SNRNP200: variants seen among roughly 807,000 people sequenced by gnomAD.
SNRNP200 encodes U5 small nuclear ribonucleoprotein 200 kDa helicase.
In SNRNP200, 66 loss-of-function variants were observed where a neutral mutation model predicts 255.2. The ratio of observed to expected loss-of-function variants is 0.26; its 90% CI spans 0.21 to 0.32. The LOEUF (loss-of-function observed/expected upper bound fraction) is 0.32, where lower values mean the gene tolerates loss of function less well. SNRNP200 is among the 10% of genes least tolerant of loss of function. The pLI, the probability that SNRNP200 is intolerant of heterozygous loss-of-function variation, is 1.00. For missense variants in SNRNP200, 1,585 were observed against 2,749.8 expected, an observed-to-expected ratio of 0.58 and a Z score of 9.47; for synonymous variants, 939 against 1,027.8, an observed-to-expected ratio of 0.91 and a Z score of 1.65.
At chr2:96,293,660 A>G (rs1322131687) in intron 14 of SNRNP200, 151 bp from the exon 15 acceptor site, 8 of 695,656 alleles carry the variant, frequency 1.1e-5, no homozygotes, top group South Asian at 1.7e-5. Flanking sequence ...GATGGAGACA[A>G]TATTTCCCAT....
intron 5 of SNRNP200, among the ~76,000 whole-genome samples, chr2:96,300,681 C>A (rs537944768): frequency 6.6e-6 from 1 of 151,548 alleles, no homozygotes; most frequent in Non-Finnish European, 1.5e-5. Context: ...GAGAATGGCG[C>A]GAAACCTGGG....
At position 96,305,347 on chromosome 2, in the gene SNRNP200, C is replaced by T. The variant is rs114657265; in HGVS notation, c.45+46G>A. 1,818 of 1,612,154 alleles carry T rather than the reference C, an allele frequency of 1.1e-3. 26 individuals carry two copies. The African/African-American group carries it at 0.022, about 19-fold the overall frequency. Reference sequence around the variant, plus strand: ...ACTCCCTTTTTCAGCCTCCCCCTCCCCATTGGACTCCTGAGCCTGGAATCC... The same window carrying T: ...ACTCCCTTTTTCAGCCTCCCCCTCCTCATTGGACTCCTGAGCCTGGAATCC... On this transcript the variant is annotated intron_variant, in intron 1 of 44. Transcript: ENST00000323853.
intron 43 of SNRNP200, among the ~76,000 whole-genome samples, chr2:96,275,959 TCG>T (rs1558761997): frequency 1.3e-5 from 2 of 152,064 alleles, no homozygotes; most frequent in East Asian, 3.9e-4. Flanking sequence ...TGAGCCGAGA[TCG>T]CGCCACTGCA....
At chr2:96,293,550 A>G in intron 14 of SNRNP200, 41 bp from the exon 15 acceptor site, 1 of 1,540,118 alleles carries the variant, frequency 6.5e-7, no homozygotes, top group Non-Finnish European at 9.0e-7. Context: ...AGCACTAGAG[A>G]TACATAGTCC....
At chr2:96,293,649 G>A in intron 14 of SNRNP200, 140 bp from the exon 15 acceptor site, 1 of 727,844 alleles carries the variant, frequency 1.4e-6, no homozygotes, top group Non-Finnish European at 2.3e-6. Context: ...GATGCCCAAA[G>A]GATGGAGACA....
chr2:96,277,003 G>A lies in SNRNP200; in HGVS notation c.6093-18C>T, dbSNP rs1198133297. 1 of 1,614,078 alleles carries A rather than the reference G, an allele frequency of 6.2e-7. No individual in the cohort carries two copies. The highest frequency in any genetic ancestry group is 8.5e-7 in the Non-Finnish European group (1 of 1,179,990). ...GCCCGCCACTGCAGGGGGAGAGGAG[G>A]GGCGCACGTCAGTGATGGGGCAGTG... On this transcript the variant is annotated intron_variant, in intron 42 of 44. Coordinates refer to ENST00000323853, the MANE Select transcript of SNRNP200 (RefSeq NM_014014.5). This position sits in a 1 kb window ranked among gnomAD's most constrained non-coding sequence, Gnocchi z 4.4.
rs1009945475 is a variant in SNRNP200 at position 96,293,444 on chromosome 2, G to A, written c.1908C>T (p.Ile636=). ...CCTCTTGGGTCATCTCAATGTTTCG[G>A]ATGGCCCTGGCCACTAAAGCTTCTA... ...PVLEALVARA[I]RNIEMTQEDV... is the part of the protein sequence containing the mutation. The change falls in exon 15 of 45, where the codon ATC becomes ATT. Residue 636 remains isoleucine, a synonymous_variant. Transcript: ENST00000323853. 6.2e-7 allele frequency: 1 copy of A among 1,613,196 alleles called. No homozygotes were observed. The highest frequency in any genetic ancestry group is 8.5e-7 in the Non-Finnish European group (1 of 1,180,022).
chr2:96,286,234 A>C lies in SNRNP200; in HGVS notation c.4003+77T>G, dbSNP rs1573993171. ...ACCTCCCAAGTGCCTGAGCACCCCC[A>C]CTCCCCTGCCTGCCACAGAGCACAT... On this transcript the variant is annotated intron_variant, in intron 29 of 44. Transcript: ENST00000323853. This position sits in a 1 kb window ranked among gnomAD's most constrained non-coding sequence, Gnocchi z 4.8. 1 of 1,485,670 alleles carries C rather than the reference A, an allele frequency of 6.7e-7. No individual in the cohort carries two copies. The highest frequency in any genetic ancestry group is 9.4e-7 in the Non-Finnish European group (1 of 1,064,776). 92.0% of individuals were successfully genotyped at this position (1,485,670 alleles called of 1,614,324 possible).
At chr2:96,288,924 G>A in intron 23 of SNRNP200, 113 bp downstream of exon 23, 1 of 1,107,508 alleles carries the variant, frequency 9.0e-7, no homozygotes, top group Admixed American at 2.0e-5. Flanking sequence ...GCAAAAACTA[G>A]GAGAACTGAG....
At chr2:96,281,529 TA>T in intron 35 of SNRNP200, 1 of 407,008 alleles carries the variant, frequency 2.5e-6, no homozygotes, top group South Asian at 2.1e-5. Flanking sequence ...TCACTTTTCC[TA>T]ATCTACAAGA....
At chr2:96,304,555 C>G in intron 2 of SNRNP200, 150 bp downstream of exon 2, 1 of 1,090,238 alleles carries the variant, frequency 9.2e-7, no homozygotes, top group Non-Finnish European at 1.4e-6. Context: ...GCCAAAAAAT[C>G]TTTAAACTCT....
chr2:96,290,530 C>G lies in SNRNP200; in HGVS notation c.2554-16G>C. On this transcript the variant is annotated splice_polypyrimidine_tract_variant and intron_variant, in intron 19 of 44. Coordinates refer to ENST00000323853, the MANE Select transcript of SNRNP200 (RefSeq NM_014014.5). This position sits in a 1 kb window ranked among gnomAD's most constrained non-coding sequence, Gnocchi z 4.5. ...GTCCCAGCATCTAGATCAGAGACAG[C>G]GAACCAAGAATGCTATGTCAAGAGA... is the stretch of plus-strand genomic sequence containing the variant. 1 of 1,614,066 alleles carries G rather than the reference C, an allele frequency of 6.2e-7. No homozygotes were observed. Among genetic ancestry groups the G allele is most frequent in the Non-Finnish European group, 8.5e-7 (1 of 1,179,994 alleles).
chr2:96,305,029 G>C (rs1383982737), intron 1 of SNRNP200, among the ~76,000 whole-genome samples, 161 bp from the exon 2 acceptor site: 1 of 152,154 alleles, frequency 6.6e-6, no homozygotes, highest in African/African-American at 2.4e-5. Context: ...GTATAACGCT[G>C]TGCAGAAGCG....
Position 96,274,901 on chromosome 2 carries a change from T to G in SNRNP200, c.*111A>C. On this transcript the variant is annotated 3_prime_UTR_variant, in exon 45 of 45. Coordinates refer to ENST00000323853, the MANE Select transcript of SNRNP200 (RefSeq NM_014014.5). ...AGGCGGGGACAGCACCAGCCCTGGCTGGCCAGACCTGAGGCCCACAGACCT... is the reference window on the plus strand; with the variant it reads ...AGGCGGGGACAGCACCAGCCCTGGCGGGCCAGACCTGAGGCCCACAGACCT... The G allele has an allele frequency of 7.9e-7, 1 of 1,273,032 alleles. No individual in the cohort carries two copies. The highest frequency in any genetic ancestry group is 1.2e-5 in the South Asian group (1 of 83,786). The allele number at this position is 1,273,032 out of a possible 1,614,324, so 78.9% of individuals were successfully genotyped here.
intron 12 of SNRNP200, 27 bp downstream of exon 12, chr2:96,296,906 G>C: frequency 1.2e-6 from 2 of 1,614,094 alleles, no homozygotes; most frequent in Non-Finnish European, 1.7e-6. Context: ...TATTCTACAA[G>C]AAAACAGCAG....
chr2:96,283,440 C>T lies in SNRNP200; in HGVS notation c.4764-88G>A. 6.2e-7 allele frequency: 1 copy of T among 1,612,882 alleles called. No individual in the cohort carries two copies. Among genetic ancestry groups the T allele is most frequent in the South Asian group, 1.1e-5 (1 of 91,012 alleles). On this transcript the variant is annotated intron_variant, in intron 33 of 44. Transcript: ENST00000323853. This position sits in a 1 kb window ranked among gnomAD's most constrained non-coding sequence, Gnocchi z 4.7. ...CTGTGCAGAACCTGGCCCCAAGCAACATGGGCTAACCCCACCCTCATAAAG... is the reference window on the plus strand; with the variant it reads ...CTGTGCAGAACCTGGCCCCAAGCAATATGGGCTAACCCCACCCTCATAAAG...
Position 96,295,051 on chromosome 2 carries a change from A to T in SNRNP200, c.1842+437T>A, listed in dbSNP as rs558306649. Among the ~76,000 whole-genome samples, 4 of 152,218 alleles carry T rather than the reference A, an allele frequency of 2.6e-5. No homozygotes were observed. The East Asian group carries it at 7.7e-4, about 29-fold the overall frequency. ...CAGTGAAACCCAGTCTCTACTAAAA[A>T]TATAAAAATTAGCTGGGCATGGTGG... On this transcript the variant is annotated intron_variant, in intron 14 of 44. Coordinates refer to ENST00000323853, the MANE Select transcript of SNRNP200 (RefSeq NM_014014.5).
At chr2:96,301,799 T>G (rs1574001814) in intron 3 of SNRNP200, 83 bp from the exon 4 acceptor site, 1 of 1,468,360 alleles carries the variant, frequency 6.8e-7, no homozygotes. Flanking sequence ...CGGCAGGATG[T>G]GAAGAGCCAC....
At chr2:96,279,030 A>G in intron 36 of SNRNP200, 32 bp from the exon 37 acceptor site, 1 of 1,571,574 alleles carries the variant, frequency 6.4e-7, no homozygotes, top group Non-Finnish European at 8.8e-7. Flanking sequence ...GGAGTAATAA[A>G]GAATTAGTGA....
Sources: gnomAD v4.1 joint callset for allele counts (sites outside exome capture counted in the v4.1 genomes callset) on GRCh38, gnomAD v4.1.1 for gene constraint, Gnocchi (gnomAD v3.1) non-coding constraint, MANE v1.5 for transcripts, NCBI Gene and HGNC (gene_info 2026-07-23, HGNC 2026-07-21) for gene names.